Variants in EPB41L1 observed in about 807,000 individuals in gnomAD.
The protein encoded by EPB41L1 is band 4.1-like protein 1.
Under a neutral mutation model 97.8 loss-of-function variants are expected in EPB41L1, and 29 were observed. The ratio of observed to expected loss-of-function variants is 0.30; its 90% confidence interval spans 0.22 to 0.40. The LOEUF (loss-of-function observed/expected upper bound fraction) is 0.40. EPB41L1 is among the 10% of genes least tolerant of loss of function. The probability of loss-of-function intolerance (pLI) is 1.00; values close to 1 mark genes in which losing one functional copy is unlikely to be tolerated. For missense variants in EPB41L1, 812 were observed against 1,162.3 expected (o/e 0.70, Z 4.38); for synonymous variants, 383 against 459.2 (o/e 0.83, Z 2.12).
chr20:36,162,632 G>A (rs2060579403), intron 1 of EPB41L1, among the ~76,000 whole-genome samples: 1 of 152,192 alleles, frequency 6.6e-6, no homozygotes. Flanking sequence ...CTTCTGCATC[G>A]TCATCAGGAT....
At chr20:36,224,691 CTTT>C (rs909681121) in intron 21 of EPB41L1, among the ~76,000 whole-genome samples, 59 of 151,950 alleles carry the variant, frequency 3.9e-4, no homozygotes, top group African/African-American at 1.3e-3. Context: ...TCTTTTTAAA[CTTT>C]TTAATGGAAA....
chr20:36,187,868 C>A, intron 8 of EPB41L1, 105 bp downstream of exon 8: 1 of 908,296 alleles, frequency 1.1e-6, no homozygotes, highest in Non-Finnish European at 1.8e-6. Context: ...TTACCTCCAA[C>A]TTGAAACCTT....
intron 1 of EPB41L1, among the ~76,000 whole-genome samples, chr20:36,098,937 G>A (rs2057920539): frequency 6.6e-6 from 1 of 152,148 alleles, no homozygotes; most frequent in African/African-American, 2.4e-5. Flanking sequence ...TGAGTGATCT[G>A]AGGCGGATTA....
rs115130420 is a variant in EPB41L1 at position 36,155,556 on chromosome 20, G to C, written c.-15+660G>C. 1,227 of 456,022 alleles carry C rather than the reference G, an allele frequency of 2.7e-3. 16 individuals carry two copies. The highest frequency in any genetic ancestry group is 0.023 in the African/African-American group (1,138 of 50,152). 28.2% of individuals were successfully genotyped at this position (456,022 alleles called of 1,614,324 possible). On this transcript the variant is annotated intron_variant, in intron 1 of 21. Coordinates refer to ENST00000338074, the MANE Select transcript of EPB41L1 (RefSeq NM_012156.2). ...CCGAGAGGCTGGGGTCTCAGGGATGGGCATGGGGGGCCAATGTCTACAGCC... is the reference window on the plus strand; with the variant it reads ...CCGAGAGGCTGGGGTCTCAGGGATGCGCATGGGGGGCCAATGTCTACAGCC...
chr20:36,202,744 C>T (rs986850135), intron 14 of EPB41L1, among the ~76,000 whole-genome samples: 13 of 147,260 alleles, frequency 8.8e-5, no homozygotes, highest in East Asian at 2.0e-4. Flanking sequence ...ACTCGGGAGG[C>T]GGCTGTCAGT....
chr20:36,155,905 C>T, intron 1 of EPB41L1: 1 of 247,748 alleles, frequency 4.0e-6, no homozygotes. Context: ...TCATTCCCAC[C>T]CCATCCCCCC....
intron 1 of EPB41L1, among the ~76,000 whole-genome samples, chr20:36,161,077 C>T (rs1725817522): frequency 6.6e-6 from 1 of 152,246 alleles, no homozygotes. Flanking sequence ...CTCCCTTCTC[C>T]TGTTCCCTCC....
At chr20:36,125,524 A>T in intron 2 of EPB41L1, 1 of 1,528,004 alleles carries the variant, frequency 6.5e-7, no homozygotes, top group African/African-American at 1.4e-5. Context: ...AGCGCTCAGT[A>T]AAGGTGAGCT....
chr20:36,163,197 G>A lies in EPB41L1; in HGVS notation c.-15+8301G>A, dbSNP rs1044085922. 7.3e-4 allele frequency among the ~76,000 whole-genome samples: 110 copies of A among 150,290 alleles called. 1 individual carries two copies. Among genetic ancestry groups the A allele is most frequent in the African/African-American group, 2.6e-3 (106 of 40,666 alleles). On this transcript the variant is annotated intron_variant, in intron 1 of 21. Coordinates refer to ENST00000338074, the MANE Select transcript of EPB41L1 (RefSeq NM_012156.2). ...ACTCCGAAAGTAATACATGCTCATA[G>A]TAGAAAATTGAAAAATACGGAGAAA...
intron 2 of EPB41L1, chr20:36,125,283 A>G: frequency 1.7e-6 from 1 of 605,820 alleles, no homozygotes; most frequent in Admixed American, 2.6e-5. Flanking sequence ...TGGCCATTAC[A>G]TTGTTTCTGG....
At position 36,190,395 on chromosome 20, in the gene EPB41L1, G is replaced by C. The variant is rs781704804; in HGVS notation, c.1124+21G>C. On this transcript the variant is annotated intron_variant, in intron 10 of 21. Coordinates refer to ENST00000338074, the MANE Select transcript of EPB41L1 (RefSeq NM_012156.2). The surrounding 1 kb of genome is among the most constrained non-coding windows in gnomAD (Gnocchi z 5.8). ...TTCCGGTGAGCCTGACCTTGGATGG[G>C]GTAATGGGGATGGGGCAGAGGCCAT... 2.5e-5 allele frequency: 41 copies of C among 1,611,898 alleles called. No individual in the cohort carries two copies. The highest frequency in any genetic ancestry group is 3.1e-5 in the Non-Finnish European group (37 of 1,178,678).
upstream of EPB41L1, among the ~76,000 whole-genome samples, chr20:36,150,176 T>A (rs1003021874): frequency 6.6e-6 from 1 of 152,120 alleles, no homozygotes; most frequent in African/African-American, 2.4e-5. Context: ...CAAGCAATTA[T>A]TCTCCTGCCT....
chr20:36,142,749 C>A (rs1216363072), intron 2 of EPB41L1, among the ~76,000 whole-genome samples: 1 of 152,174 alleles, frequency 6.6e-6, no homozygotes, highest in Non-Finnish European at 1.5e-5. Context: ...CTGTGCTGTG[C>A]TGTGCTGTGT....
chr20:36,199,116 A>C (rs1260354763), intron 14 of EPB41L1, among the ~76,000 whole-genome samples: 1 of 152,226 alleles, frequency 6.6e-6, no homozygotes, highest in Non-Finnish European at 1.5e-5. Flanking sequence ...TACTAATTTA[A>C]CTAGAGGCAT....
upstream of EPB41L1, among the ~76,000 whole-genome samples, chr20:36,153,339 G>A (rs1400973297): frequency 6.6e-6 from 1 of 151,940 alleles, no homozygotes; most frequent in African/African-American, 2.4e-5. Flanking sequence ...AGAGCCCACT[G>A]GTGAGGCTGA....
chr20:36,223,767 G>T (rs58457789), intron 21 of EPB41L1, among the ~76,000 whole-genome samples: 10 of 152,086 alleles, frequency 6.6e-5, no homozygotes, highest in East Asian at 1.9e-4. Flanking sequence ...AACCTTCTAG[G>T]GTACTGGAAA....
chr20:36,129,787 G>A (rs913410712), intron 2 of EPB41L1, among the ~76,000 whole-genome samples: 7 of 152,072 alleles, frequency 4.6e-5, no homozygotes, highest in South Asian at 4.2e-4. Context: ...AATTACAAAT[G>A]AGAGCTCATT....
chr20:36,103,815 G>A (rs922457869), intron 1 of EPB41L1, among the ~76,000 whole-genome samples: 1 of 149,826 alleles, frequency 6.7e-6, no homozygotes. Context: ...CCATTCTCCT[G>A]CCTCAGCCTC....
Position 36,207,205 on chromosome 20 carries a change from C to T in EPB41L1, c.1669-2283C>T. 7.8e-7 allele frequency: 1 copy of T among 1,285,218 alleles called. No individual in the cohort carries two copies. Among genetic ancestry groups the T allele is most frequent in the Non-Finnish European group, 1.0e-6 (1 of 985,812 alleles). The allele number at this position is 1,285,218 out of a possible 1,614,324, so 79.6% of individuals were successfully genotyped here. A position where few individuals can be genotyped will look rare whatever the true frequency, so the allele number is the denominator to read the frequency against. ...CAGGGAGCCCTTTCTTAGACATGTC[C>T]ATCTTTCGAAAGCCAGCCCAGAGCC... On this transcript the variant is annotated intron_variant, in intron 14 of 21. Coordinates refer to ENST00000338074, the MANE Select transcript of EPB41L1 (RefSeq NM_012156.2). This position sits in a 1 kb window ranked among gnomAD's most constrained non-coding sequence, Gnocchi z 4.9.
Sources: gnomAD v4.1 joint callset for allele counts (sites outside exome capture counted in the v4.1 genomes callset) on GRCh38, gnomAD v4.1.1 for gene constraint, Gnocchi (gnomAD v3.1) non-coding constraint, MANE v1.5 for transcripts, NCBI Gene and HGNC (gene_info 2026-07-23, HGNC 2026-07-21) for gene names.